The following CACNB2 variants were observed in gnomAD, a reference collection of about 807,000 sequenced individuals.
The protein encoded by CACNB2 is voltage-dependent L-type calcium channel subunit beta-2.
Under a neutral mutation model 73.3 loss-of-function variants are expected in CACNB2, and 42 were observed. That is an observed-to-expected ratio of 0.57 (90% CI 0.45 to 0.74). The LOEUF (loss-of-function observed/expected upper bound fraction) is 0.74. Ranked by LOEUF, CACNB2 falls within the 30% of genes least tolerant of loss-of-function variation. The pLI is 0.00. For synonymous variants in CACNB2, 348 were observed against 310.3 expected (o/e 1.12, Z -1.28); for missense variants, 940 against 853.0 (o/e 1.10, Z -1.27).
At chr10:18,212,119 A>C (rs1012317750) in intron 2 of CACNB2, among the ~76,000 whole-genome samples, 1 of 152,180 alleles carries the variant, frequency 6.6e-6, no homozygotes, top group African/African-American at 2.4e-5. Context: ...TCAGTGGGGA[A>C]GTTCTGCTTA....
intron 2 of CACNB2, among the ~76,000 whole-genome samples, chr10:18,216,800 A>C (rs1193113014): frequency 6.6e-6 from 1 of 152,220 alleles, no homozygotes; most frequent in Non-Finnish European, 1.5e-5. Flanking sequence ...CAGAGGTCTC[A>C]TGAAAAATTC....
Position 18,506,659 on chromosome 10 carries a change from T to C in CACNB2, c.670+112T>C, listed in dbSNP as rs2050504527. The C allele has an allele frequency of 4.0e-6, 3 of 748,862 alleles. No individual in the cohort carries two copies. The South Asian group carries it at 4.3e-5, about 11-fold the overall frequency. 46.4% of individuals were successfully genotyped at this position (748,862 alleles called of 1,614,324 possible). A position where few individuals can be genotyped will look rare whatever the true frequency, so the allele number is the denominator to read the frequency against. On this transcript the variant is annotated intron_variant, in intron 6 of 13. Coordinates refer to ENST00000324631, the MANE Select transcript of CACNB2 (RefSeq NM_201596.3). ...TGAATCACTATGTTAACCCTACAGA[T>C]GTTAAAAGGAATCAGAAGTGAGCAT...
intron 2 of CACNB2, among the ~76,000 whole-genome samples, chr10:18,352,752 G>T (rs2041761542): frequency 6.6e-6 from 1 of 152,146 alleles, no homozygotes; most frequent in African/African-American, 2.4e-5. Context: ...CATTTTTAAG[G>T]GAGAATGCTT....
intron 2 of CACNB2, among the ~76,000 whole-genome samples, chr10:18,372,329 G>A (rs1397199477): frequency 6.6e-6 from 1 of 152,016 alleles, no homozygotes; most frequent in African/African-American, 2.4e-5. Flanking sequence ...GGGTTTTTAT[G>A]GTTTTAGGTC....
chr10:18,145,580 T>G (rs139733737), intron 1 of CACNB2, among the ~76,000 whole-genome samples: 1 of 152,340 alleles, frequency 6.6e-6, no homozygotes, highest in African/African-American at 2.4e-5. Flanking sequence ...AGACTCAATT[T>G]ACCTGTTGCT....
At chr10:18,422,102 A>T (rs2045356005) in intron 3 of CACNB2, among the ~76,000 whole-genome samples, 1 of 152,210 alleles carries the variant, frequency 6.6e-6, no homozygotes, top group Non-Finnish European at 1.5e-5. Flanking sequence ...CATGAACAAA[A>T]CCAAAAGACC....
chr10:18,375,485 A>G (rs1044746343), intron 2 of CACNB2, among the ~76,000 whole-genome samples: 4 of 152,182 alleles, frequency 2.6e-5, no homozygotes, highest in African/African-American at 4.8e-5. Context: ...TAAACTAGAA[A>G]AAGTAGCTTT....
chr10:18,489,933 A>G (rs1287423045), intron 3 of CACNB2, among the ~76,000 whole-genome samples: 1 of 152,176 alleles, frequency 6.6e-6, no homozygotes, highest in Non-Finnish European at 1.5e-5. Context: ...GCTGGAGTGC[A>G]GTGGCGTGAT....
rs1202561047 is a variant in CACNB2 at position 18,536,150 on chromosome 10, T to C, written c.1256T>C (p.Leu419Pro). ...KSRGKSQAKH[L>P]NVQMVAADKL... ...CGAGGGAAATCTCAAGCTAAACACC[T>C]CAACGTCCAGATGGTAGCAGCTGAT... Residue 419 changes from leucine (L) to proline (P), a missense_variant, in exon 12 of 14, where the codon CTC becomes CCC. By Grantham distance (98) the Leu-to-Pro change is moderately conservative. Transcript: ENST00000324631. 9 of 1,592,936 alleles carry C rather than the reference T, an allele frequency of 5.6e-6. No individual in the cohort carries two copies. Among genetic ancestry groups the C allele is most frequent in the Non-Finnish European group, 7.7e-6 (9 of 1,167,708 alleles).
chr10:18,195,592 G>A (rs1321432620), intron 2 of CACNB2, among the ~76,000 whole-genome samples: 1 of 152,218 alleles, frequency 6.6e-6, no homozygotes, highest in Non-Finnish European at 1.5e-5. Context: ...CTCGGCCAGA[G>A]AGATGCGCAG....
chr10:18,505,994 C>T (rs993194200), intron 5 of CACNB2, among the ~76,000 whole-genome samples: 6 of 152,092 alleles, frequency 3.9e-5, no homozygotes, highest in Non-Finnish European at 7.4e-5. Flanking sequence ...CTCTGTTGTT[C>T]TTTGATAGAT....
chr10:18,165,514 G>C (rs997316924), intron 2 of CACNB2, among the ~76,000 whole-genome samples: 1 of 152,240 alleles, frequency 6.6e-6, no homozygotes, highest in African/African-American at 2.4e-5. Flanking sequence ...CCAGGTTCAG[G>C]CGACTGTTGA....
chr10:18,291,708 T>G (rs768987903), intron 2 of CACNB2, among the ~76,000 whole-genome samples: 3 of 152,246 alleles, frequency 2.0e-5, no homozygotes, highest in Non-Finnish European at 2.9e-5. Flanking sequence ...ACCGCTTCAG[T>G]ACTGTATGTT....
At chr10:18,177,763 TCTTG>T (rs2033682563) in intron 2 of CACNB2, among the ~76,000 whole-genome samples, 1 of 152,202 alleles carries the variant, frequency 6.6e-6, no homozygotes, top group Non-Finnish European at 1.5e-5. Flanking sequence ...TGCATTCTTC[TCTTG>T]CTTGGTTAAT....
intron 2 of CACNB2, among the ~76,000 whole-genome samples, chr10:18,345,346 T>G (rs879644810): frequency 5.9e-5 from 9 of 152,230 alleles, no homozygotes; most frequent in Non-Finnish European, 1.3e-4. Flanking sequence ...ATGATTGCTT[T>G]TCATGTAAAT....
At chr10:18,513,153 CA>C (rs1443804570) in intron 6 of CACNB2, 2 of 144,274 alleles carry the variant, frequency 1.4e-5, no homozygotes, top group African/African-American at 5.4e-5. Context: ...CTTCTCAGTC[CA>C]ACAGCTGAGC....
chr10:18,372,448 C>A (rs1392214636), intron 2 of CACNB2, among the ~76,000 whole-genome samples: 1 of 152,178 alleles, frequency 6.6e-6, no homozygotes, highest in Non-Finnish European at 1.5e-5. Context: ...ACTGTTGTCA[C>A]CCAGGCTAGA....
chr10:18,400,118 C>A (rs2043915045), intron 2 of CACNB2, among the ~76,000 whole-genome samples: 1 of 152,198 alleles, frequency 6.6e-6, no homozygotes, highest in African/African-American at 2.4e-5. Context: ...CTTTATAAAG[C>A]GGTGATTACT....
intron 2 of CACNB2, among the ~76,000 whole-genome samples, chr10:18,398,773 C>G (rs1375540255): frequency 1.3e-5 from 2 of 151,934 alleles, no homozygotes; most frequent in Non-Finnish European, 2.9e-5. Flanking sequence ...GGTAATCCAG[C>G]TCTTTCTATG....
Sources: gnomAD v4.1 joint callset for allele counts (sites outside exome capture counted in the v4.1 genomes callset) on GRCh38, gnomAD v4.1.1 for gene constraint, MANE v1.5 for transcripts, NCBI Gene and HGNC (gene_info 2026-07-23, HGNC 2026-07-21) for gene names.